Variants in C1QTNF6 observed in about 807,000 individuals in gnomAD.
C1QTNF6 encodes complement C1q tumor necrosis factor-related protein 6.
In C1QTNF6, 17 loss-of-function variants were observed where a neutral mutation model predicts 20.7. The observed-to-expected ratio is 0.82, with a 90% CI of 0.56 to 1.23. C1QTNF6 has a LOEUF of 1.23. Ranked by LOEUF, C1QTNF6 falls within the 50% of genes most tolerant of loss-of-function variation. The pLI is 0.00. For missense variants in C1QTNF6, 329 were observed against 389.7 expected (o/e 0.84, Z 1.31); for synonymous variants, 130 against 156.3 (o/e 0.83, Z 1.25).
chr22:37,191,669 C>CA (rs1179670713), upstream of C1QTNF6: 1 of 152,180 alleles, frequency 6.6e-6, no homozygotes, highest in Non-Finnish European at 1.5e-5. Flanking sequence ...AACCTTTACT[C>CA]ACCGATAAAG....
intron 1 of C1QTNF6, chr22:37,185,678 G>A (rs1207591059): frequency 2.4e-6 from 3 of 1,242,904 alleles, no homozygotes; most frequent in Admixed American, 8.3e-5. Flanking sequence ...CCTGCATGCT[G>A]AGTCTCCGGG....
upstream of C1QTNF6, among the ~76,000 whole-genome samples, chr22:37,188,688 C>T (rs1924600518): frequency 6.6e-6 from 1 of 152,226 alleles, no homozygotes; most frequent in African/African-American, 2.4e-5. Flanking sequence ...GGCTAGAATC[C>T]TGGCCCTGCT....
At chr22:37,196,021 T>C (rs1165116873) in intron 1 of C1QTNF6, 1 of 152,180 alleles carries the variant, frequency 6.6e-6, no homozygotes, top group Non-Finnish European at 1.5e-5. Context: ...ATGCCTAACC[T>C]CCTGGGAATG....
In C1QTNF6 at chr22:37,180,849, T is replaced by A. The variant is rs1923698259; in HGVS notation, c.*1339A>T. 1 of 152,816 alleles carries A rather than the reference T, an allele frequency of 6.5e-6. No homozygotes were observed. The allele number at this position is 152,816 out of a possible 1,614,324, so 9.5% of individuals were successfully genotyped here. A position where few individuals can be genotyped will look rare whatever the true frequency, so the allele number is the denominator to read the frequency against. On this transcript the variant is annotated 3_prime_UTR_variant, in exon 3 of 3. Transcript: ENST00000337843. ...ATCCCAGTGAGGAGGGCAGGTCTTC[T>A]CGCAGGATGCCGTATCAGCTGTGGG...
upstream of C1QTNF6, among the ~76,000 whole-genome samples, chr22:37,192,430 G>A (rs1345883321): frequency 1.3e-5 from 2 of 151,336 alleles, no homozygotes; most frequent in African/African-American, 4.9e-5. Context: ...CAGCATAGCT[G>A]GGGGCATGGC....
rs229526 is a variant in C1QTNF6 at position 37,185,382 on chromosome 22, G to C, written c.125C>G (p.Pro42Arg). ...LLLFLLMCEI[P>R]MVELTFDRAV... ...TCTGTCAAAGGTGAGCTCCACCATAGGGATCTCACACATCAGGAGAAAGAG... is the reference window on the plus strand; with the variant it reads ...TCTGTCAAAGGTGAGCTCCACCATACGGATCTCACACATCAGGAGAAAGAG... The change falls in exon 2 of 3, where the codon CCT (proline) becomes CGT (arginine). Residue 42 changes from proline (P) to arginine (R), a missense_variant. Coordinates refer to ENST00000337843, the MANE Select transcript of C1QTNF6 (RefSeq NM_031910.4). The C allele has an allele frequency of 0.22, 351,199 of 1,613,258 alleles. 39,123 individuals are homozygous for C. Among genetic ancestry groups the C allele is most frequent in the African/African-American group, 0.28 (20,618 of 74,962 alleles).
rs758423154 is a variant in C1QTNF6 at position 37,184,465 on chromosome 22, C to T, written c.289+753G>A. 6 of 716,216 alleles carry T rather than the reference C, an allele frequency of 8.4e-6. No individual in the cohort carries two copies. Among genetic ancestry groups the T allele is most frequent in the Middle Eastern group, 2.5e-4 (1 of 3,926 alleles). The allele number at this position is 716,216 out of a possible 1,614,324, so 44.4% of individuals were successfully genotyped here. A position where few individuals can be genotyped will look rare whatever the true frequency, so the allele number is the denominator to read the frequency against. Reference sequence around the variant, plus strand: ...ATTGAGAGAGCGGGTAGCCAGCCCGCACCTGGACGGCCCTCACCTGGATGC... The same window carrying T: ...ATTGAGAGAGCGGGTAGCCAGCCCGTACCTGGACGGCCCTCACCTGGATGC... On this transcript the variant is annotated intron_variant, in intron 2 of 2. Coordinates refer to ENST00000337843, the MANE Select transcript of C1QTNF6 (RefSeq NM_031910.4). This position sits in a 1 kb window ranked among gnomAD's most constrained non-coding sequence, Gnocchi z 4.0.
chr22:37,198,924 CCCCGT>C (rs1925319270), upstream of C1QTNF6, among the ~76,000 whole-genome samples: 1 of 152,236 alleles, frequency 6.6e-6, no homozygotes, highest in African/African-American at 2.4e-5. Flanking sequence ...GAACCAGGTT[CCCCGT>C]CCTGGGCTTT....
chr22:37,191,059 G>C (rs535617675), upstream of C1QTNF6: 6 of 152,250 alleles, frequency 3.9e-5, no homozygotes, highest in African/African-American at 1.4e-4. Flanking sequence ...AGTTTTCCAA[G>C]AGTCTTGGAT....
chr22:37,182,644 A>G lies in C1QTNF6; in HGVS notation c.381T>C (p.Gly127=), dbSNP rs1192669887. 2.5e-6 allele frequency: 4 copies of G among 1,612,438 alleles called. No individual in the cohort carries two copies. Among genetic ancestry groups the G allele is most frequent in the Non-Finnish European group, 3.4e-6 (4 of 1,179,804 alleles). The part of the protein sequence containing the change: ...QGEPGPQGSK[G]DKGEMGSPGA... Reference sequence around the variant, plus strand: ...CGGGGCTGCCCATCTCCCCCTTGTCACCCTTGCTGCCCTGAGGGCCAGGCT... The same window carrying G: ...CGGGGCTGCCCATCTCCCCCTTGTCGCCCTTGCTGCCCTGAGGGCCAGGCT... The change falls in exon 3 of 3, where the codon GGT becomes GGC. Residue 127 remains glycine (G), a synonymous_variant. Coordinates refer to ENST00000337843, the MANE Select transcript of C1QTNF6 (RefSeq NM_031910.4).
In C1QTNF6 at chr22:37,184,495, CA is replaced by C; in HGVS notation, c.289+722del. 5.9e-6 allele frequency: 4 copies of C among 673,628 alleles called. No homozygotes were observed. The highest frequency in any genetic ancestry group is 1.1e-5 in the Non-Finnish European group (4 of 363,854). The allele number at this position is 673,628 out of a possible 1,614,324, so 41.7% of individuals were successfully genotyped here. On this transcript the variant is annotated intron_variant, in intron 2 of 2. Coordinates refer to ENST00000337843, the MANE Select transcript of C1QTNF6 (RefSeq NM_031910.4). This position sits in a 1 kb window ranked among gnomAD's most constrained non-coding sequence, Gnocchi z 4.0. ...GGACGGCCCTCACCTGGATGCCTTTCACCTGGACGGGCCCTCACCTGGACAG... is the reference window on the plus strand; with the variant it reads ...GGACGGCCCTCACCTGGATGCCTTTCCCTGGACGGGCCCTCACCTGGACAG...
At chr22:37,187,629 AAGG>A (rs1333113306) in intron 1 of C1QTNF6, among the ~76,000 whole-genome samples, 9 of 151,274 alleles carry the variant, frequency 5.9e-5, no homozygotes, top group Non-Finnish European at 1.0e-4. Flanking sequence ...ATGGGATGGG[AAGG>A]AGAACTTCTC....
At chr22:37,186,434 T>A (rs1924348064) in intron 1 of C1QTNF6, among the ~76,000 whole-genome samples, 1 of 152,224 alleles carries the variant, frequency 6.6e-6, no homozygotes, top group African/African-American at 2.4e-5. Flanking sequence ...GGAAGATGGT[T>A]GTGTCAATCA....
chr22:37,182,570 G>A lies in C1QTNF6; in HGVS notation c.455C>T (p.Thr152Met), dbSNP rs749960126. The change falls in exon 3 of 3, where the codon ACG (threonine) becomes ATG (methionine). Residue 152 changes from threonine to methionine, a missense_variant. Coordinates refer to ENST00000337843, the MANE Select transcript of C1QTNF6 (RefSeq NM_031910.4). ...GAAGTCCTCGCCGCTGTGCAGGGCC[G>A]TCTTGCGGCCCACTGAGAAGGCGAA... Reference protein sequence around the residue: ...RFFAFSVGRKTALHSGEDFQT... With the variant: ...RFFAFSVGRKMALHSGEDFQT... The A allele has an allele frequency of 1.6e-5, 26 of 1,614,028 alleles. No homozygotes were observed. The highest frequency in any genetic ancestry group is 2.2e-5 in the East Asian group (1 of 44,894).
chr22:37,183,010 A>G (rs1359905986), intron 2 of C1QTNF6: 1 of 890,506 alleles, frequency 1.1e-6, no homozygotes, highest in Non-Finnish European at 1.3e-6. Flanking sequence ...GTCTGTCCCC[A>G]GGGTGACTTG....
upstream of C1QTNF6, among the ~76,000 whole-genome samples, chr22:37,193,227 C>A (rs1924922905): frequency 2.0e-5 from 3 of 152,328 alleles, no homozygotes; most frequent in Middle Eastern, 6.8e-3. Context: ...TTTCTGATAT[C>A]CCCAAAAGTC....
chr22:37,192,877 C>G (rs1924902870), upstream of C1QTNF6, among the ~76,000 whole-genome samples: 1 of 152,128 alleles, frequency 6.6e-6, no homozygotes, highest in South Asian at 2.1e-4. Flanking sequence ...AGGGTGGAGC[C>G]CTTCAAGAAA....
chr22:37,185,432 C>G lies in C1QTNF6; in HGVS notation c.75G>C (p.Leu25=), dbSNP rs1326054261. The change falls in exon 2 of 3, where the codon CTG becomes CTC. Residue 25 remains leucine (L), a synonymous_variant. Transcript: ENST00000337843. ...GHRVTMGTAA[L]GPVWAALLLF... ...GCAGGAGCGCTGCCCAGACGGGACCCAGGGCGGCTGTCCCCATGGTGACCT... is the reference window on the plus strand; with the variant it reads ...GCAGGAGCGCTGCCCAGACGGGACCGAGGGCGGCTGTCCCCATGGTGACCT... 1 of 1,607,696 alleles carries G rather than the reference C, an allele frequency of 6.2e-7. No homozygotes were observed. The highest frequency in any genetic ancestry group is 2.2e-5 in the East Asian group (1 of 44,634).
chr22:37,195,414 C>T (rs1925080452), exon 2 of C1QTNF6: 1 of 152,158 alleles, frequency 6.6e-6, no homozygotes, highest in Admixed American at 6.5e-5. Context: ...TAGTCTATTT[C>T]CTTTGGGTTG....
Sources: allele counts gnomAD v4.1 joint callset (sites outside exome capture counted in the v4.1 genomes callset), GRCh38; gene constraint gnomAD v4.1.1; non-coding constraint Gnocchi (gnomAD v3.1); transcripts MANE v1.5; gene names NCBI Gene and HGNC (gene_info 2026-07-23, HGNC 2026-07-21).